Variants in PCDHA13 observed in about 807,000 individuals in gnomAD.
PCDHA13 encodes the protein protocadherin alpha-13.
In PCDHA13, 54 loss-of-function variants were observed where a neutral mutation model predicts 64.8. The ratio of observed to expected loss-of-function variants is 0.83; its 90% confidence interval spans 0.67 to 1.04. PCDHA13 has a LOEUF of 1.04. Among genes scored for constraint, PCDHA13 ranks in the 50% least tolerant of loss-of-function variants. The pLI is 0.00. For synonymous variants in PCDHA13, 587 were observed against 564.4 expected (o/e 1.04, Z -0.57); for missense variants, 1,248 against 1,254.3 (o/e 0.99, Z 0.08).
rs79247475 is a variant in PCDHA13 at position 140,982,540 on chromosome 5, C to G, written c.2519C>G (p.Pro840Arg). The G allele has an allele frequency of 4.3e-3, 6,927 of 1,614,122 alleles. 34 individuals are homozygous for G. The highest frequency in any genetic ancestry group is 5.0e-3 in the South Asian group (455 of 91,080). Residue 840 changes from proline to arginine, a missense_variant, in exon 3 of 4, where the codon CCA becomes CGA. Physicochemically the swap from Pro to Arg is moderately radical, Grantham distance 103. Transcript: ENST00000289272. ...AGPGGPDQQW[P>R]TVSSATPEPE... ...CCAGGAGGGCCTGATCAGCAGTGGC[C>G]AACAGTATCCAGTGCAACACCAGGT...
At chr5:141,001,509 G>A (rs1025738776) in intron 3 of PCDHA13, among the ~76,000 whole-genome samples, 3 of 152,212 alleles carry the variant, frequency 2.0e-5, no homozygotes, top group Non-Finnish European at 4.4e-5. Context: ...GGTGGGCTTA[G>A]CTTTCTCCCT....
At chr5:140,976,007 A>G (rs546477565) in intron 1 of PCDHA13, among the ~76,000 whole-genome samples, 55 of 152,354 alleles carry the variant, frequency 3.6e-4, no homozygotes, top group African/African-American at 1.3e-3. Flanking sequence ...TAAGTATTAA[A>G]GAACTAAATA....
chr5:140,884,637 A>G lies in PCDHA13; in HGVS notation c.2369A>G (p.Glu790Gly). 2 of 1,610,636 alleles carry G rather than the reference A, an allele frequency of 1.2e-6. No homozygotes were observed. Among genetic ancestry groups the G allele is most frequent in the Non-Finnish European group, 1.7e-6 (2 of 1,178,614 alleles). The change falls in exon 1 of 4, where the codon GAG (glutamate) becomes GGG (glycine). Residue 790 changes from glutamate (E) to glycine (G), a missense_variant. Glu to Gly is a moderately conservative substitution (Grantham distance 98). Transcript: ENST00000289272. ...LGSAEGTGQR[E>G]EDSECLKEPR... ...TCTGCAGAGGGAACAGGCCAGAGGG[A>G]GGAGGACTCAGAATGCTTGAAAGAG...
At chr5:140,969,450 G>A (rs1554231822) in intron 1 of PCDHA13, 4 of 1,511,552 alleles carry the variant, frequency 2.6e-6, no homozygotes, top group Non-Finnish European at 3.6e-6. Flanking sequence ...GGTAAACTGA[G>A]TATATATAGT....
chr5:140,911,444 C>T (rs13161603), intron 1 of PCDHA13, among the ~76,000 whole-genome samples: 2,752 of 152,248 alleles, frequency 0.018, 47 homozygotes, highest in South Asian at 0.1. Context: ...CCCGCAATTT[C>T]AGCTCTTTCT....
At chr5:140,884,810 G>A in intron 1 of PCDHA13, 148 bp downstream of exon 1, 1 of 1,150,538 alleles carries the variant, frequency 8.7e-7, no homozygotes, top group Non-Finnish European at 1.2e-6. Context: ...CAACTCTGCT[G>A]TGGACATTAT....
Position 140,931,736 on chromosome 5 carries a change from G to T in PCDHA13, c.2394+47074G>T, listed in dbSNP as rs550065133. On this transcript the variant is annotated intron_variant, in intron 1 of 3. Transcript: ENST00000289272. ...TAACTTCTATAAATATGGGGTATTT[G>T]TAATTCACAAAGGCATTTGTTATTT... is the stretch of plus-strand genomic sequence containing the variant. Among the ~76,000 whole-genome samples, 307 of 152,008 alleles carry T rather than the reference G, an allele frequency of 2.0e-3. 3 individuals carry two copies. The highest frequency in any genetic ancestry group is 7.2e-3 in the African/African-American group (300 of 41,524).
intron 1 of PCDHA13, among the ~76,000 whole-genome samples, chr5:140,941,215 C>CTTTCTTTCTTTCTTTCTT (rs2092888517): frequency 9.6e-6 from 1 of 104,510 alleles, no homozygotes; most frequent in East Asian, 2.4e-4. Flanking sequence ...TTCTTTCTTC[C>CTTTCTTTCTTTCTTTCTT]TTTCTTTCTT....
chr5:140,928,989 A>T (rs1554206541), intron 1 of PCDHA13: 1 of 1,613,824 alleles, frequency 6.2e-7, no homozygotes, highest in Non-Finnish European at 8.5e-7. Context: ...TGGGGTGCTT[A>T]CTTTTCTTCG....
chr5:140,943,094 TA>T lies in PCDHA13; in HGVS notation c.2395-35849del, dbSNP rs546939375. Among the ~76,000 whole-genome samples, 19 of 151,404 alleles carry T rather than the reference TA, an allele frequency of 1.3e-4. No individual in the cohort carries two copies. In the East Asian group the frequency reaches 3.7e-3, roughly 29 times the overall value. On this transcript the variant is annotated intron_variant, in intron 1 of 3. Coordinates refer to ENST00000289272, the MANE Select transcript of PCDHA13 (RefSeq NM_018904.3). ...CAACATGGTGAAATCCTGCCTCTAC[TA>T]AAAAATACAAAAATTAGCCAGGTGT... is the stretch of plus-strand genomic sequence containing the variant.
At chr5:140,898,099 A>C (rs1469393554) in intron 1 of PCDHA13, among the ~76,000 whole-genome samples, 2 of 152,168 alleles carry the variant, frequency 1.3e-5, no homozygotes, top group African/African-American at 4.8e-5. Flanking sequence ...GCCCTTTGTC[A>C]GATGAGTAGG....
At position 140,884,368 on chromosome 5, in the gene PCDHA13, G is replaced by T. The variant is rs2060127258; in HGVS notation, c.2100G>T (p.Leu700Phe). 1 of 1,613,864 alleles carries T rather than the reference G, an allele frequency of 6.2e-7. No individual in the cohort carries two copies. Among genetic ancestry groups the T allele is most frequent in the Non-Finnish European group, 8.5e-7 (1 of 1,179,894 alleles). ...CGCTGGTGGATGTCAATGTTTACTTGATCATTGCCATCTGCGCGGTGTCCA... is the reference window on the plus strand; with the variant it reads ...CGCTGGTGGATGTCAATGTTTACTTTATCATTGCCATCTGCGCGGTGTCCA... Reference protein sequence around the residue: ...EAALVDVNVYLIIAICAVSSL... With the variant: ...EAALVDVNVYFIIAICAVSSL... Residue 700 changes from leucine to phenylalanine, a missense_variant, in exon 1 of 4, where the codon TTG (leucine) becomes TTT (phenylalanine). Transcript: ENST00000289272.
At chr5:140,896,960 T>C (rs1242760287) in intron 1 of PCDHA13, among the ~76,000 whole-genome samples, 1 of 152,234 alleles carries the variant, frequency 6.6e-6, no homozygotes, top group Non-Finnish European at 1.5e-5. Context: ...CTTAAACATT[T>C]ATTCTTTGCA....
intron 1 of PCDHA13, among the ~76,000 whole-genome samples, chr5:140,956,852 G>T (rs931766503): frequency 3.3e-5 from 5 of 152,060 alleles, no homozygotes; most frequent in African/African-American, 1.2e-4. Context: ...TGGGTTAAAT[G>T]GTTGAATGAA....
chr5:140,941,862 T>G (rs1007783083), intron 1 of PCDHA13, among the ~76,000 whole-genome samples: 33 of 152,238 alleles, frequency 2.2e-4, no homozygotes, highest in African/African-American at 7.7e-4. Context: ...TTCCCTATCA[T>G]AGAGTTCTAT....
intron 1 of PCDHA13, among the ~76,000 whole-genome samples, chr5:140,943,906 C>T (rs963288804): frequency 2.0e-5 from 3 of 152,156 alleles, no homozygotes; most frequent in African/African-American, 7.2e-5. Context: ...ATGTCATGAG[C>T]ACTTTAGCAT....
chr5:140,892,218 T>C (rs182162644), intron 1 of PCDHA13, among the ~76,000 whole-genome samples: 23 of 152,308 alleles, frequency 1.5e-4, no homozygotes, highest in Admixed American at 1.4e-3. Context: ...ATTGTATCTT[T>C]ATGGTGTTTT....
chr5:140,976,149 A>C (rs1397618914), intron 1 of PCDHA13, among the ~76,000 whole-genome samples: 1 of 152,182 alleles, frequency 6.6e-6, no homozygotes, highest in Non-Finnish European at 1.5e-5. Context: ...ACTCATGTAC[A>C]TTTTACTACT....
rs781949896 is a variant in PCDHA13, at chr5:140,883,440, C to T, written c.1172C>T (p.Pro391Leu). 1.9e-6 allele frequency: 3 copies of T among 1,614,152 alleles called. No individual in the cohort carries two copies. The highest frequency in any genetic ancestry group is 2.5e-6 in the Non-Finnish European group (3 of 1,180,034). ...SNGQVTCTLT[P>L]HVPFKLVSTY... ...GGACAGGTCACCTGCACCTTGACGC[C>T]GCATGTCCCCTTCAAGCTGGTGTCC... The change falls in exon 1 of 4, where the codon CCG becomes CTG. Residue 391 changes from proline (P) to leucine (L), a missense_variant. Pro to Leu is a moderately conservative substitution (Grantham distance 98). Transcript: ENST00000289272.
Sources: allele counts gnomAD v4.1 joint callset (sites outside exome capture counted in the v4.1 genomes callset), GRCh38; gene constraint gnomAD v4.1.1; transcripts MANE v1.5; gene names NCBI Gene and HGNC (gene_info 2026-07-23, HGNC 2026-07-21).